The following TCF7L2 variants were observed in gnomAD, a reference collection of about 807,000 sequenced individuals.
The protein encoded by TCF7L2 is transcription factor 7-like 2.
In TCF7L2, 23 loss-of-function variants were observed where a neutral mutation model predicts 77.9. The ratio of observed to expected loss-of-function variants is 0.30; its 90% CI spans 0.21 to 0.42. The LOEUF is 0.42. TCF7L2 is among the 10% of genes least tolerant of loss of function. The pLI, the probability that TCF7L2 is intolerant of heterozygous loss-of-function variation, is 1.00. For missense variants in TCF7L2, 654 were observed against 793.1 expected, an observed-to-expected ratio of 0.82 and a Z score of 2.11; for synonymous variants, 413 against 340.2, an observed-to-expected ratio of 1.21 and a Z score of -2.36.
intron 4 of TCF7L2, among the ~76,000 whole-genome samples, chr10:112,967,011 C>T (rs1388699179): frequency 6.6e-6 from 1 of 151,918 alleles, no homozygotes; most frequent in Admixed American, 6.5e-5. Flanking sequence ...TAAATGGCAT[C>T]TAGCTGTAAT....
At chr10:113,078,100 C>G (rs2058921060) in intron 5 of TCF7L2, among the ~76,000 whole-genome samples, 1 of 149,700 alleles carries the variant, frequency 6.7e-6, no homozygotes, top group Admixed American at 6.7e-5. Flanking sequence ...TTTTGTTGAC[C>G]CATTCATCAG....
chr10:113,082,687 CTTA>C (rs2059433388), intron 5 of TCF7L2, among the ~76,000 whole-genome samples: 1 of 152,040 alleles, frequency 6.6e-6, no homozygotes, highest in Non-Finnish European at 1.5e-5. Flanking sequence ...AATTTACCCT[CTTA>C]TTATATAATG....
At chr10:113,028,093 C>G (rs1242768694) in intron 4 of TCF7L2, among the ~76,000 whole-genome samples, 2 of 152,184 alleles carry the variant, frequency 1.3e-5, no homozygotes, top group East Asian at 3.9e-4. Context: ...CCGGGATGGT[C>G]TAGCAGACCT....
At chr10:113,160,121 G>GGCAGTGTC in intron 12 of TCF7L2, 129 bp downstream of exon 14, 3 of 791,596 alleles carry the variant, frequency 3.8e-6, no homozygotes, top group Non-Finnish European at 6.2e-6. Flanking sequence ...GTGGGACACT[G>GGCAGTGTC]CCAAGTGTAT....
intron 13 of TCF7L2, chr10:113,161,186 A>G (rs2137490267): frequency 4.2e-6 from 1 of 240,768 alleles, no homozygotes; most frequent in East Asian, 9.2e-5. Context: ...TTTTATGTTT[A>G]AAAACCACAT....
At chr10:112,968,914 C>G (rs1013824617) in intron 4 of TCF7L2, among the ~76,000 whole-genome samples, 1 of 152,062 alleles carries the variant, frequency 6.6e-6, no homozygotes, top group Non-Finnish European at 1.5e-5. Context: ...GGTTCGGTGT[C>G]CCTGGCCTGG....
At chr10:113,126,873 C>T in intron 5 of TCF7L2, 2 of 985,734 alleles carry the variant, frequency 2.0e-6, no homozygotes, top group Non-Finnish European at 2.4e-6. Context: ...CCGCAACCCT[C>T]TCTAGATGGT....
chr10:112,987,988 T>C (rs939489188), intron 4 of TCF7L2: 2 of 146,636 alleles, frequency 1.4e-5, no homozygotes, highest in African/African-American at 5.1e-5. Context: ...ATGTACCCAT[T>C]GCCATACCTA....
chr10:113,097,873 G>A (rs1481961228), intron 5 of TCF7L2, among the ~76,000 whole-genome samples: 1 of 151,112 alleles, frequency 6.6e-6, no homozygotes, highest in Non-Finnish European at 1.5e-5. Context: ...CCAACATGGT[G>A]AAACCCTGTC....
At chr10:113,034,960 C>T (rs7919152) in intron 4 of TCF7L2, among the ~76,000 whole-genome samples, 78,362 of 151,912 alleles carry the variant, frequency 0.52, 22,551 homozygotes, top group African/African-American at 0.76. Flanking sequence ...CCCCTCTCCC[C>T]TCCCCTCCTT....
chr10:113,124,042 C>T (rs749531100), intron 5 of TCF7L2, among the ~76,000 whole-genome samples: 18 of 152,024 alleles, frequency 1.2e-4, no homozygotes, highest in African/African-American at 2.9e-4. Flanking sequence ...GTCCTTCTGA[C>T]GGGATAGGCA....
At chr10:113,042,678 C>T (rs956628683) in intron 5 of TCF7L2, among the ~76,000 whole-genome samples, 1 of 152,062 alleles carries the variant, frequency 6.6e-6, no homozygotes, top group Non-Finnish European at 1.5e-5. Context: ...AAAGGCCTTG[C>T]GTTGTTGACC....
chr10:113,161,606 A>G (rs1339604189), intron 13 of TCF7L2: 1 of 1,536,152 alleles, frequency 6.5e-7, no homozygotes, highest in Non-Finnish European at 8.7e-7. Flanking sequence ...TTACAATGGT[A>G]GGTATTTCAA....
At chr10:112,978,758 T>C (rs1230552288) in intron 4 of TCF7L2, among the ~76,000 whole-genome samples, 1 of 151,394 alleles carries the variant, frequency 6.6e-6, no homozygotes, top group Non-Finnish European at 1.5e-5. Context: ...GGATTATAGG[T>C]GTGAGCCACC....
chr10:112,961,483 A>G (rs2035223959), intron 3 of TCF7L2, among the ~76,000 whole-genome samples: 1 of 152,128 alleles, frequency 6.6e-6, no homozygotes, highest in East Asian at 1.9e-4. Flanking sequence ...CCAGGAGTTT[A>G]CTGGGTGTTT....
chr10:112,997,642 T>G (rs2043722770), intron 4 of TCF7L2, among the ~76,000 whole-genome samples: 1 of 152,182 alleles, frequency 6.6e-6, no homozygotes, highest in South Asian at 2.1e-4. Context: ...CTGAGGGGCA[T>G]GGTCGAGCAG....
At chr10:112,951,343 G>A (rs976962602) in intron 2 of TCF7L2, 70 bp downstream of exon 2, 31 of 978,642 alleles carry the variant, frequency 3.2e-5, no homozygotes, top group Non-Finnish European at 3.8e-5. Context: ...GCGCGCCCCG[G>A]CCCCGCGCCC....
chr10:113,147,944 C>T (rs936902767), intron 8 of TCF7L2, among the ~76,000 whole-genome samples: 1 of 151,864 alleles, frequency 6.6e-6, no homozygotes, highest in South Asian at 2.1e-4. Flanking sequence ...CCCAGGTAGG[C>T]CAAATGAAAG....
rs992077861 is a variant in TCF7L2, at chr10:113,101,922, T to C, written c.553-39262T>C. ...GGGAGGCCAAGGCGGGTGGATTGCC[T>C]GAGCTCAGGAGTTTGAGACCAGCCT... On this transcript the variant is annotated intron_variant, in intron 5 of 13. Coordinates refer to ENST00000627217, the MANE Select transcript of TCF7L2 (RefSeq NM_001146274.2). Among the ~76,000 whole-genome samples the C allele has an allele frequency of 3.4e-5, 5 of 148,358 alleles. No homozygotes were observed. In the Admixed American group the frequency reaches 3.4e-4, roughly 10 times the overall value.
Sources: allele counts gnomAD v4.1 joint callset (sites outside exome capture counted in the v4.1 genomes callset), GRCh38; gene constraint gnomAD v4.1.1; transcripts MANE v1.5; gene names NCBI Gene and HGNC (gene_info 2026-07-23, HGNC 2026-07-21).